The following LRMDA variants were observed in gnomAD, a reference collection of about 807,000 sequenced individuals.
LRMDA encodes leucine-rich melanocyte differentiation-associated protein.
Under a neutral mutation model 29.8 loss-of-function variants are expected in LRMDA, and 18 were observed. The observed-to-expected ratio is 0.60, with a 90% CI of 0.42 to 0.90. The LOEUF is 0.90. LRMDA is among the 40% of genes least tolerant of loss of function. The pLI, the probability that LRMDA is intolerant of heterozygous loss-of-function variation, is 0.00. For missense variants in LRMDA, 273 were observed against 273.9 expected, an observed-to-expected ratio of 1.00 and a Z score of 0.02; for synonymous variants, 125 against 109.4, an observed-to-expected ratio of 1.14 and a Z score of -0.89.
At chr10:76,441,624 T>C (rs959507878) in intron 6 of LRMDA, among the ~76,000 whole-genome samples, 5 of 152,176 alleles carry the variant, frequency 3.3e-5, no homozygotes, top group African/African-American at 9.7e-5. Context: ...CAGAATGTGT[T>C]TGGAATTGCA....
At chr10:75,678,965 C>T (rs573814369) in intron 2 of LRMDA, among the ~76,000 whole-genome samples, 3 of 152,186 alleles carry the variant, frequency 2.0e-5, no homozygotes, top group South Asian at 2.1e-4. Context: ...GTTTCAGCAA[C>T]GAAAGAGTCC....
At chr10:76,278,588 C>T (rs1430569652) in intron 5 of LRMDA, among the ~76,000 whole-genome samples, 2 of 152,162 alleles carry the variant, frequency 1.3e-5, no homozygotes, top group African/African-American at 4.8e-5. Flanking sequence ...GGTGTCTCAC[C>T]CACACTATTA....
intron 2 of LRMDA, among the ~76,000 whole-genome samples, chr10:75,696,227 T>C (rs1489921920): frequency 9.2e-5 from 14 of 152,226 alleles, no homozygotes; most frequent in Non-Finnish European, 2.1e-4. Context: ...AGCACAGATG[T>C]ATTTCTTGCT....
At chr10:76,007,586 G>A (rs944877548) in intron 2 of LRMDA, among the ~76,000 whole-genome samples, 3 of 152,212 alleles carry the variant, frequency 2.0e-5, no homozygotes, top group African/African-American at 4.8e-5. Context: ...AGGGTGAGAC[G>A]ATAGAGTGGC....
At chr10:76,317,288 C>G (rs775688537) in intron 5 of LRMDA, among the ~76,000 whole-genome samples, 1 of 152,106 alleles carries the variant, frequency 6.6e-6, no homozygotes, top group East Asian at 1.9e-4. Context: ...TAACCATTAG[C>G]GTTTACCATA....
intron 2 of LRMDA, among the ~76,000 whole-genome samples, chr10:75,663,238 C>T (rs1428322254): frequency 6.6e-6 from 1 of 152,182 alleles, no homozygotes; most frequent in Non-Finnish European, 1.5e-5. Flanking sequence ...GCTTCTCCTC[C>T]TCCCCGCCCT....
At chr10:75,559,195 T>C (rs1178674192) in intron 2 of LRMDA, among the ~76,000 whole-genome samples, 1 of 152,186 alleles carries the variant, frequency 6.6e-6, no homozygotes, top group African/African-American at 2.4e-5. Flanking sequence ...CAGCACCTGT[T>C]GTTTCCTGAC....
chr10:75,663,049 G>A (rs376957708), intron 2 of LRMDA, among the ~76,000 whole-genome samples: 1 of 152,192 alleles, frequency 6.6e-6, no homozygotes, highest in African/African-American at 2.4e-5. Context: ...TCTGGCAAGA[G>A]TTGTGTTTAT....
intron 2 of LRMDA, among the ~76,000 whole-genome samples, chr10:75,454,308 C>T (rs542314940): frequency 2.0e-5 from 3 of 152,066 alleles, no homozygotes; most frequent in African/African-American, 7.2e-5. Context: ...TTCTACAGAC[C>T]CACCTTGGGG....
At chr10:75,966,179 T>C (rs1846855759) in intron 2 of LRMDA, among the ~76,000 whole-genome samples, 1 of 152,194 alleles carries the variant, frequency 6.6e-6, no homozygotes, top group Non-Finnish European at 1.5e-5. Context: ...AAAAGAGCCC[T>C]TGTGTCCCAC....
intron 2 of LRMDA, among the ~76,000 whole-genome samples, chr10:75,701,871 C>T (rs1842311976): frequency 6.6e-6 from 1 of 152,196 alleles, no homozygotes; most frequent in Admixed American, 6.5e-5. Flanking sequence ...TGTCATGTCA[C>T]TCCCAGGCTA....
At chr10:76,107,447 T>C (rs1849505892) in intron 5 of LRMDA, among the ~76,000 whole-genome samples, 1 of 152,218 alleles carries the variant, frequency 6.6e-6, no homozygotes, top group Admixed American at 6.5e-5. Flanking sequence ...GCCTCAGTCC[T>C]CCTACTTAAG....
In LRMDA at chr10:75,615,330, T is replaced by C. The variant is rs564653369; in HGVS notation, c.131+176836T>C. Among the ~76,000 whole-genome samples, 4 of 152,308 alleles carry C rather than the reference T, an allele frequency of 2.6e-5. No individual in the cohort carries two copies. In the East Asian group the frequency reaches 5.8e-4, roughly 22 times the overall value. ...AAAGTGCTTGGGACCAGAAGTGTTTTTGATTTTTAATTTATTTTTGATTTT... is the reference window on the plus strand; with the variant it reads ...AAAGTGCTTGGGACCAGAAGTGTTTCTGATTTTTAATTTATTTTTGATTTT... On this transcript the variant is annotated intron_variant, in intron 2 of 6. Transcript: ENST00000611255.
At chr10:75,763,706 T>C (rs1843125712) in intron 2 of LRMDA, among the ~76,000 whole-genome samples, 1 of 152,082 alleles carries the variant, frequency 6.6e-6, no homozygotes, top group Non-Finnish European at 1.5e-5. Flanking sequence ...CAATTTTTTT[T>C]TTTTTTTTGG....
intron 2 of LRMDA, among the ~76,000 whole-genome samples, chr10:76,021,278 C>T (rs1334006631): frequency 6.6e-6 from 1 of 152,070 alleles, no homozygotes; most frequent in Non-Finnish European, 1.5e-5. Context: ...TTGTGATGCA[C>T]GTCAATAGTG....
chr10:75,754,920 G>C (rs1843012671), intron 2 of LRMDA, among the ~76,000 whole-genome samples: 3 of 152,006 alleles, frequency 2.0e-5, no homozygotes, highest in Non-Finnish European at 4.4e-5. Flanking sequence ...TTATTCTATG[G>C]ATTTCCTATG....
rs1047336029 is a variant in LRMDA, at chr10:75,921,929, T to A, written c.132-114079T>A. ...TTTCTGTCATCTGGACTTATTAATG[T>A]GTCTTAACAGTAAACTCTTGCATCC... On this transcript the variant is annotated intron_variant, in intron 2 of 6. Coordinates refer to ENST00000611255, the MANE Select transcript of LRMDA (RefSeq NM_001305581.2). Among the ~76,000 whole-genome samples the A allele has an allele frequency of 2.0e-5, 3 of 152,232 alleles. No individual in the cohort carries two copies. In the South Asian group the frequency reaches 6.2e-4, roughly 32 times the overall value.
At chr10:76,244,604 C>T (rs1852340155) in intron 5 of LRMDA, among the ~76,000 whole-genome samples, 1 of 152,146 alleles carries the variant, frequency 6.6e-6, no homozygotes, top group Non-Finnish European at 1.5e-5. Flanking sequence ...CAGCTGGGGT[C>T]TGTTTCCTTC....
intron 5 of LRMDA, among the ~76,000 whole-genome samples, chr10:76,263,319 C>A (rs982295868): frequency 6.6e-6 from 1 of 151,822 alleles, no homozygotes; most frequent in African/African-American, 2.4e-5. Flanking sequence ...CTCTCTCTTT[C>A]TTATGCTTTT....
Sources: gnomAD v4.1 joint callset for allele counts (sites outside exome capture counted in the v4.1 genomes callset) on GRCh38, gnomAD v4.1.1 for gene constraint, MANE v1.5 for transcripts, NCBI Gene and HGNC (gene_info 2026-07-23, HGNC 2026-07-21) for gene names.